Variants in RBFOX1 observed in about 807,000 individuals in gnomAD.
The protein encoded by RBFOX1 is RNA binding fox-1 homolog 1.
A neutral mutation model predicts 57.7 loss-of-function variants in RBFOX1; 8 were observed. The observed-to-expected ratio is 0.14, with a 90% CI of 0.08 to 0.25. The LOEUF is 0.25. RBFOX1 is among the 10% of genes least tolerant of loss of function. The probability of loss-of-function intolerance (pLI) is 1.00; values close to 1 mark genes in which losing one functional copy is unlikely to be tolerated. For synonymous variants in RBFOX1, 326 were observed against 222.4 expected, an observed-to-expected ratio of 1.47 and a Z score of -4.15; for missense variants, 611 against 548.5, an observed-to-expected ratio of 1.11 and a Z score of -1.14.
chr16:6,450,965 A>G (rs1414908745), intron 2 of RBFOX1, among the ~76,000 whole-genome samples: 1 of 146,288 alleles, frequency 6.8e-6, no homozygotes, highest in Admixed American at 7.1e-5. Flanking sequence ...AGCATCAATG[A>G]GAAAAATGGG....
At chr16:7,218,640 G>A (rs867516866) in intron 4 of RBFOX1, among the ~76,000 whole-genome samples, 1 of 142,602 alleles carries the variant, frequency 7.0e-6, no homozygotes, top group Non-Finnish European at 1.6e-5. Context: ...GTGTGTGTGT[G>A]TGTGTGTGTG....
chr16:5,552,487 G>T (rs2045503798), intron 2 of RBFOX1, among the ~76,000 whole-genome samples: 1 of 152,216 alleles, frequency 6.6e-6, no homozygotes, highest in Middle Eastern at 3.2e-3. Flanking sequence ...TGCAGACCAG[G>T]AAAGTTTAGT....
chr16:7,682,287 GA>G (rs1167744524), intron 14 of RBFOX1, among the ~76,000 whole-genome samples: 1 of 152,034 alleles, frequency 6.6e-6, no homozygotes, highest in East Asian at 1.9e-4. Context: ...AAAATATAGT[GA>G]GAGCATTGTA....
chr16:7,455,125 G>T (rs915449443), intron 4 of RBFOX1, among the ~76,000 whole-genome samples: 4 of 152,190 alleles, frequency 2.6e-5, no homozygotes, highest in Admixed American at 1.3e-4. Context: ...TGAAGCCTCA[G>T]ATTGCATCTG....
chr16:5,814,895 G>T (rs1225162174), intron 3 of RBFOX1, among the ~76,000 whole-genome samples: 1 of 152,072 alleles, frequency 6.6e-6, no homozygotes, highest in African/African-American at 2.4e-5. Flanking sequence ...CGCCACTGCA[G>T]TCCGCAGTCC....
chr16:5,946,465 G>A lies in RBFOX1; in HGVS notation c.351+79130G>A, dbSNP rs1372766770. 1.3e-5 allele frequency among the ~76,000 whole-genome samples: 2 copies of A among 152,182 alleles called. No homozygotes were observed. The highest frequency in any genetic ancestry group is 2.9e-5 in the Non-Finnish European group (2 of 68,034). On this transcript the variant is annotated intron_variant, in intron 4 of 19. Coordinates refer to the RBFOX1 transcript ENST00000641259. The surrounding 1 kb of genome is among the most constrained non-coding windows in gnomAD (Gnocchi z 4.6). ...CATGAACAGCTCAGCCAAGATCTCT[G>A]CTCTCATGGAATGGGAGTGCCTCAT...
intron 4 of RBFOX1, among the ~76,000 whole-genome samples, chr16:7,174,790 G>A (rs9944357): frequency 0.33 from 50,867 of 151,850 alleles, 9,731 homozygotes; most frequent in African/African-American, 0.53. Flanking sequence ...AAAACAAACA[G>A]ACAAACAAAA....
At position 7,227,285 on chromosome 16, in the gene RBFOX1, A is replaced by ACC. The variant is rs1284183490; in HGVS notation, c.27+175190_27+175191dup. 2.1e-3 allele frequency among the ~76,000 whole-genome samples: 155 copies of ACC among 73,252 alleles called. 3 individuals are homozygous for ACC. Among genetic ancestry groups the ACC allele is most frequent in the Admixed American group, 6.2e-3 (34 of 5,484 alleles). 48.1% of individuals were successfully genotyped at this position (73,252 alleles called of 152,430 possible). A position where few individuals can be genotyped will look rare whatever the true frequency, so the allele number is the denominator to read the frequency against. On this transcript the variant is annotated intron_variant, in intron 4 of 15. Coordinates refer to ENST00000550418, the MANE Select transcript of RBFOX1 (RefSeq NM_018723.4). ...CACTGTCACATACCACACACACCCC[A>ACC]CCCCACCCCCACACACACACACAGC... is the stretch of plus-strand genomic sequence containing the variant.
At chr16:6,859,695 G>A (rs1021179902) in intron 3 of RBFOX1, among the ~76,000 whole-genome samples, 1 of 152,028 alleles carries the variant, frequency 6.6e-6, no homozygotes, top group Non-Finnish European at 1.5e-5. Context: ...TTTTTTAATC[G>A]ACTACGGTAT....
chr16:6,719,601 C>T (rs541542970), intron 3 of RBFOX1, among the ~76,000 whole-genome samples: 77 of 151,714 alleles, frequency 5.1e-4, no homozygotes, highest in African/African-American at 1.5e-3. Context: ...TCACCACGCC[C>T]GGCTAATTTT....
intron 2 of RBFOX1, among the ~76,000 whole-genome samples, chr16:5,528,564 T>C (rs2044334661): frequency 7.4e-6 from 1 of 135,736 alleles, no homozygotes. Context: ...TTTTTTTTTT[T>C]TCTGGCTTCT....
chr16:7,318,283 T>C (rs1176623665), intron 4 of RBFOX1, among the ~76,000 whole-genome samples: 1 of 151,294 alleles, frequency 6.6e-6, no homozygotes, highest in African/African-American at 2.4e-5. Context: ...GTGTTGGTGA[T>C]AGTAATGGTG....
chr16:6,508,831 A>G (rs1567493979), intron 2 of RBFOX1, among the ~76,000 whole-genome samples: 1 of 151,888 alleles, frequency 6.6e-6, no homozygotes, highest in Non-Finnish European at 1.5e-5. Context: ...AATCACGGTA[A>G]AACTGCGCTT....
intron 4 of RBFOX1, among the ~76,000 whole-genome samples, chr16:5,982,089 G>A (rs906133253): frequency 1.3e-5 from 2 of 152,116 alleles, no homozygotes; most frequent in Non-Finnish European, 2.9e-5. Flanking sequence ...CCATCTCATG[G>A]GGCACAGGGC....
At chr16:5,855,429 T>G (rs894256932) in intron 3 of RBFOX1, among the ~76,000 whole-genome samples, 7 of 152,190 alleles carry the variant, frequency 4.6e-5, no homozygotes, top group Admixed American at 1.3e-4. Context: ...TCAATTATAT[T>G]CTTTTGCCTG....
At chr16:7,173,169 T>G (rs1167855813) in intron 4 of RBFOX1, among the ~76,000 whole-genome samples, 1 of 152,206 alleles carries the variant, frequency 6.6e-6, no homozygotes, top group Non-Finnish European at 1.5e-5. Context: ...ATAACAAAAA[T>G]CATACAACTG....
intron 1 of RBFOX1, among the ~76,000 whole-genome samples, chr16:5,257,491 C>T: frequency 6.6e-6 from 1 of 152,168 alleles, no homozygotes; most frequent in Non-Finnish European, 1.5e-5. Flanking sequence ...CCTTGTTCTG[C>T]CTCTCTCCTC....
intron 3 of RBFOX1, among the ~76,000 whole-genome samples, chr16:6,969,663 G>C (rs991322494): frequency 6.6e-6 from 1 of 152,142 alleles, no homozygotes; most frequent in African/African-American, 2.4e-5. Context: ...AGGATGGCTT[G>C]AGTCTGGGAG....
At chr16:7,010,584 C>A (rs939327673) in intron 3 of RBFOX1, among the ~76,000 whole-genome samples, 1 of 151,664 alleles carries the variant, frequency 6.6e-6, no homozygotes, top group African/African-American at 2.4e-5. Flanking sequence ...GAGTTTTTCT[C>A]TGTCACCCAG....
Sources: allele counts gnomAD v4.1 joint callset (sites outside exome capture counted in the v4.1 genomes callset), GRCh38; gene constraint gnomAD v4.1.1; non-coding constraint Gnocchi (gnomAD v3.1); transcripts MANE v1.5; gene names NCBI Gene and HGNC (gene_info 2026-07-23, HGNC 2026-07-21).